COL6A1: variants seen among roughly 807,000 people sequenced by gnomAD.
The protein encoded by COL6A1 is collagen type VI alpha 1 chain, also known as collagen alpha-1(VI) chain.
COL6A1 carries 80 observed loss-of-function variants against 145.6 expected under a neutral mutation model. The ratio of observed to expected loss-of-function variants is 0.55; its 90% confidence interval spans 0.46 to 0.66. COL6A1 has a LOEUF of 0.66. COL6A1 is among the 30% of genes least tolerant of loss of function. The pLI, the probability that COL6A1 is intolerant of heterozygous loss-of-function variation, is 0.00. For missense variants in COL6A1, 1,364 were observed against 1,473.8 expected (o/e 0.93, Z 1.22); for synonymous variants, 638 against 622.8 (o/e 1.02, Z -0.36).
intron 8 of COL6A1, 56 bp from the exon 9 acceptor site, chr21:45,989,028 C>A: frequency 6.3e-7 from 1 of 1,592,174 alleles, no homozygotes; most frequent in Admixed American, 1.8e-5. Flanking sequence ...GTTTCGTGAG[C>A]CAGCTTTTTA....
At position 45,992,028 on chromosome 21, in the gene COL6A1, G is replaced by T; in HGVS notation, c.1138G>T (p.Gly380Trp). ...TCCCCAGGGCGAGCCTGGAGCTGAC[G>T]GGGAGGCGGGGAGACCAGGGAGCTC... is the stretch of plus-strand genomic sequence containing the variant. ...KGEKGEPGAD[G>W]EAGRPGSSGP... The change falls in exon 16 of 35, where the codon GGG becomes TGG. Residue 380 changes from glycine to tryptophan, a missense_variant. Gly to Trp is a radical substitution (Grantham distance 184). Around this residue, in one of 3 missense-constraint regions of COL6A1, gnomAD observed 938 missense variants for 1,003.8 expected, o/e 0.93. Transcript: ENST00000361866. The T allele has an allele frequency of 6.2e-7, 1 of 1,602,162 alleles. No homozygotes were observed. The highest frequency in any genetic ancestry group is 1.7e-5 in the Admixed American group (1 of 57,936).
chr21:45,993,286 C>T (rs977233595), intron 19 of COL6A1, among the ~76,000 whole-genome samples: 1 of 152,196 alleles, frequency 6.6e-6, no homozygotes, highest in African/African-American at 2.4e-5. Flanking sequence ...CTCGCTAGGC[C>T]ACCCCACAGC....
intron 4 of COL6A1, 62 bp from the exon 5 acceptor site, chr21:45,986,882 G>A: frequency 6.5e-6 from 10 of 1,534,338 alleles, no homozygotes; most frequent in Non-Finnish European, 8.7e-6. Flanking sequence ...GGCCCTGTGG[G>A]AAGCGGCCCC....
In COL6A1 at chr21:46,002,342, C is replaced by T. The variant is rs398123635; in HGVS notation, c.2191C>T (p.Arg731Cys). ...NRIALVITDG[R>C]SDTQRDTTPL... ...CATCGCCCTGGTCATCACTGACGGGCGCTCAGACACTCAGAGGGACACCAC... is the reference window on the plus strand; with the variant it reads ...CATCGCCCTGGTCATCACTGACGGGTGCTCAGACACTCAGAGGGACACCAC... Residue 731 changes from arginine to cysteine, a missense_variant, in exon 32 of 35, where the codon CGC becomes TGC. Coordinates refer to ENST00000361866, the MANE Select transcript of COL6A1 (RefSeq NM_001848.3). 145 of 1,590,918 alleles carry T rather than the reference C, an allele frequency of 9.1e-5. No homozygotes were observed. The highest frequency in any genetic ancestry group is 3.3e-4 in the Middle Eastern group (2 of 6,058).
At chr21:46,000,262 C>T in intron 27 of COL6A1, 69 bp from the exon 28 acceptor site, 1 of 1,596,552 alleles carries the variant, frequency 6.3e-7, no homozygotes, top group East Asian at 2.2e-5. Context: ...ACCTGGAGAT[C>T]CAGCAGCCCA....
In COL6A1 at chr21:46,004,256, C is replaced by A; in HGVS notation, c.*243C>A. The A allele has an allele frequency of 1.7e-6, 1 of 589,072 alleles. No homozygotes were observed. The allele number at this position is 589,072 out of a possible 1,614,324, so 36.5% of individuals were successfully genotyped here. A position where few individuals can be genotyped will look rare whatever the true frequency, so the allele number is the denominator to read the frequency against. ...GGGCTCAGCCCTGAGCTAGTGTCAC[C>A]TGCACAGGGCCCTCTGAGGCTCAGC... On this transcript the variant is annotated 3_prime_UTR_variant, in exon 35 of 35. Transcript: ENST00000361866.
chr21:45,998,484 TCACAGGGACACGCACGTGTGAACA>T (rs1225803504), intron 24 of COL6A1, 51 bp downstream of exon 24: 1 of 1,611,224 alleles, frequency 6.2e-7, no homozygotes, highest in South Asian at 1.1e-5. Context: ...ACATTCACAG[TCACAGGGACACGCACGTGTGAACA>T]CACATGTGCA....
At chr21:45,983,126 C>T (rs529459094) in intron 2 of COL6A1, among the ~76,000 whole-genome samples, 1 of 152,342 alleles carries the variant, frequency 6.6e-6, no homozygotes, top group African/African-American at 2.4e-5. Flanking sequence ...CGCAGTCCTG[C>T]CTGGTGCGCG....
chr21:46,003,303 C>G, intron 34 of COL6A1, 88 bp from the exon 35 acceptor site: 4 of 1,603,576 alleles, frequency 2.5e-6, no homozygotes, highest in Non-Finnish European at 3.4e-6. Flanking sequence ...GCCGTGCCCT[C>G]TCTGGGGAGC....
intron 20 of COL6A1, among the ~76,000 whole-genome samples, chr21:45,996,784 G>A (rs2077807288): frequency 6.6e-6 from 1 of 152,198 alleles, no homozygotes; most frequent in Admixed American, 6.5e-5. Flanking sequence ...GGCCCTCAAA[G>A]GTGGGAGCTG....
chr21:45,990,553 AGGACGGGGAG>A (rs1177935042), intron 13 of COL6A1, 131 bp downstream of exon 13: 24 of 327,770 alleles, frequency 7.3e-5, no homozygotes, highest in Non-Finnish European at 1.0e-4. Flanking sequence ...GACCAGGGGA[AGGACGGGGAG>A]GGACGGGGAG....
Position 45,984,398 on chromosome 21 carries a change from G to A in COL6A1, c.357G>A (p.Ala119=), listed in dbSNP as rs747037863. The A allele has an allele frequency of 6.7e-5, 108 of 1,612,586 alleles. No homozygotes were observed. The highest frequency in any genetic ancestry group is 2.5e-4 in the South Asian group (23 of 91,084). The part of the protein sequence containing the change: ...GRDALKSSVD[A]VKYFGKGTYT... ...ACGCACTCAAAAGCAGCGTGGACGC[G>A]GTCAAGTACTTTGGGAAGGGCACCT... The change falls in exon 3 of 35, where the codon GCG becomes GCA. Residue 119 remains alanine, a synonymous_variant. Coordinates refer to ENST00000361866, the MANE Select transcript of COL6A1 (RefSeq NM_001848.3).
rs755367691 is a variant in COL6A1 at position 46,000,323 on chromosome 21, C to T, written c.1777-8C>T. The T allele has an allele frequency of 1.2e-6, 2 of 1,613,816 alleles. No individual in the cohort carries two copies. Among genetic ancestry groups the T allele is most frequent in the African/African-American group, 1.3e-5 (1 of 74,898 alleles). On this transcript the variant is annotated splice_polypyrimidine_tract_variant and splice_region_variant and intron_variant, in intron 27 of 34. Transcript: ENST00000361866. ...ATGGCCCCAGTACCCTCGTCTCTCCCTCCCCAGGAATGCGAGATTTTGGAC... is the reference window on the plus strand; with the variant it reads ...ATGGCCCCAGTACCCTCGTCTCTCCTTCCCCAGGAATGCGAGATTTTGGAC...
Position 46,003,883 on chromosome 21 carries a change from T to C in COL6A1, c.2957T>C (p.Leu986Pro). Reference sequence around the variant, plus strand: ...GTGAATGAGCCCCACATCCGCGTCCTGGTCACCGGCAAGACGGCCGAGTAC... The same window carrying C: ...GTGAATGAGCCCCACATCCGCGTCCCGGTCACCGGCAAGACGGCCGAGTAC... ...RQVNEPHIRVLVTGKTAEYDV... is the reference protein window; with the variant it reads ...RQVNEPHIRVPVTGKTAEYDV... Residue 986 changes from leucine (L) to proline (P), a missense_variant, in exon 35 of 35, where the codon CTG becomes CCG. Leu to Pro is a moderately conservative substitution (Grantham distance 98). This residue lies in a region of COL6A1 where 938 missense variants were observed against 1,003.8 expected (regional missense o/e 0.93). Transcript: ENST00000361866. 1.9e-6 allele frequency: 3 copies of C among 1,601,430 alleles called. No homozygotes were observed. Among genetic ancestry groups the C allele is most frequent in the Non-Finnish European group, 2.6e-6 (3 of 1,171,354 alleles).
chr21:45,999,783 C>T lies in COL6A1; in HGVS notation c.1776+91C>T, dbSNP rs8131101. 908,870 of 1,073,832 alleles carry T rather than the reference C, an allele frequency of 0.85. 387,099 individuals are homozygous for T. Among genetic ancestry groups the T allele is most frequent in the Admixed American group, 0.91 (43,597 of 47,864 alleles). The allele number at this position is 1,073,832 out of a possible 1,614,324, so 66.5% of individuals were successfully genotyped here. On this transcript the variant is annotated intron_variant, in intron 27 of 34. Transcript: ENST00000361866. ...TCCTGTCCATGGGTGCTCCTGTAGA[C>T]GCTGCTCACGGGGGGGTGGGTTGTG...
intron 31 of COL6A1, 63 bp downstream of exon 31, chr21:46,002,133 G>T (rs1335366922): frequency 1.3e-6 from 2 of 1,578,976 alleles, no homozygotes; most frequent in Non-Finnish European, 1.7e-6. Context: ...CCCACGGCAG[G>T]TCGGCCCTGA....
chr21:45,986,291 G>C (rs986829583), intron 3 of COL6A1, among the ~76,000 whole-genome samples: 79 of 152,186 alleles, frequency 5.2e-4, no homozygotes, highest in African/African-American at 1.8e-3. Flanking sequence ...TTGGGGTCAT[G>C]GGTGCCTCTC....
At chr21:45,998,028 G>A (rs2077816177) in intron 22 of COL6A1, 93 bp from the exon 23 acceptor site, 2 of 1,486,892 alleles carry the variant, frequency 1.3e-6, no homozygotes, top group Non-Finnish European at 1.8e-6. Context: ...TGACGGAGGG[G>A]CCCTGCGGGT....
chr21:46,002,413 AC>A lies in COL6A1; in HGVS notation c.2250+17del. 6.2e-7 allele frequency: 1 copy of A among 1,605,618 alleles called. No homozygotes were observed. Reference sequence around the variant, plus strand: ...GCCCCGGCATCCAGGTGGGGTGGCCACCCCCAGGCTGCACCTGCCCCGCCTA... The same window carrying A: ...GCCCCGGCATCCAGGTGGGGTGGCCACCCCAGGCTGCACCTGCCCCGCCTA... On this transcript the variant is annotated intron_variant, in intron 32 of 34. Transcript: ENST00000361866.
Sources: gnomAD v4.1 joint callset for allele counts (sites outside exome capture counted in the v4.1 genomes callset) on GRCh38, gnomAD v4.1.1 for gene constraint, gnomAD v4.1.1 regional missense constraint, MANE v1.5 for transcripts, NCBI Gene and HGNC (gene_info 2026-07-23, HGNC 2026-07-21) for gene names.